TRAPPC9: variants seen among roughly 807,000 people sequenced by gnomAD.
TRAPPC9 encodes the protein trafficking protein particle complex subunit 9.
Under a neutral mutation model 124.0 loss-of-function variants are expected in TRAPPC9, and 83 were observed. The observed-to-expected ratio is 0.67, with a 90% CI of 0.56 to 0.80. The LOEUF is 0.80. Among genes scored for constraint, TRAPPC9 ranks in the 30% least tolerant of loss-of-function variants. TRAPPC9 has a pLI of 0.00. For missense variants in TRAPPC9, 1,302 were observed against 1,508.3 expected (o/e 0.86, Z 2.27); for synonymous variants, 638 against 617.5 (o/e 1.03, Z -0.49).
rs73366263 is a variant in TRAPPC9 at position 139,889,508 on chromosome 8, T to C, written c.2965-3539A>G. On this transcript the variant is annotated intron_variant, in intron 20 of 22. Transcript: ENST00000438773. Reference sequence around the variant, plus strand: ...GAGGGAGACAAGGAATGGGAGGGAGTGTTTCATGGGTGCCCAGTTTCAGTT... The same window carrying C: ...GAGGGAGACAAGGAATGGGAGGGAGCGTTTCATGGGTGCCCAGTTTCAGTT... Among the ~76,000 whole-genome samples the C allele has an allele frequency of 6.2e-3, 933 of 151,536 alleles. 2 individuals carry two copies. The highest frequency in any genetic ancestry group is 0.021 in the African/African-American group (853 of 41,280).
chr8:139,855,127 C>T (rs1405451106), intron 21 of TRAPPC9, among the ~76,000 whole-genome samples: 1 of 152,236 alleles, frequency 6.6e-6, no homozygotes, highest in African/African-American at 2.4e-5. Flanking sequence ...TCGGGCCTAC[C>T]TGGTCTCCTT....
At chr8:139,769,225 C>G (rs1820786615) in intron 21 of TRAPPC9, among the ~76,000 whole-genome samples, 1 of 152,116 alleles carries the variant, frequency 6.6e-6, no homozygotes, top group African/African-American at 2.4e-5. Flanking sequence ...ATGTTTTTTC[C>G]TCGACATACA....
At chr8:140,324,202 G>C (rs1216262483) in intron 9 of TRAPPC9, among the ~76,000 whole-genome samples, 1 of 152,092 alleles carries the variant, frequency 6.6e-6, no homozygotes, top group Non-Finnish European at 1.5e-5. Flanking sequence ...TAAAAGGATG[G>C]GGGGGAAAAG....
intron 9 of TRAPPC9, among the ~76,000 whole-genome samples, chr8:140,342,439 T>C (rs944600986): frequency 1.8e-4 from 27 of 152,230 alleles, no homozygotes; most frequent in Non-Finnish European, 2.6e-4. Context: ...ACTTATTATG[T>C]TGTACTACAT....
intron 10 of TRAPPC9, among the ~76,000 whole-genome samples, chr8:140,305,798 T>C (rs2066113217): frequency 6.6e-6 from 1 of 152,208 alleles, no homozygotes; most frequent in Admixed American, 6.5e-5. Flanking sequence ...CTTTTCTGCT[T>C]ATAAAACAAT....
intron 17 of TRAPPC9, among the ~76,000 whole-genome samples, chr8:140,101,512 G>A (rs746100748): frequency 6.7e-6 from 1 of 149,448 alleles, no homozygotes; most frequent in Non-Finnish European, 1.5e-5. Context: ...TATGAACTTG[G>A]GTTGGTTTTG....
chr8:140,140,685 T>C (rs1014388689), intron 17 of TRAPPC9, among the ~76,000 whole-genome samples: 1 of 152,188 alleles, frequency 6.6e-6, no homozygotes, highest in Non-Finnish European at 1.5e-5. Flanking sequence ...CATAGCTATC[T>C]TCGTAAAGCA....
intron 17 of TRAPPC9, among the ~76,000 whole-genome samples, chr8:140,088,742 C>T (rs1204664402): frequency 1.3e-5 from 2 of 152,172 alleles, no homozygotes; most frequent in East Asian, 3.8e-4. Flanking sequence ...AATCATATCT[C>T]TCGTCATGAA....
At chr8:140,203,528 G>A (rs2062843568) in intron 17 of TRAPPC9, among the ~76,000 whole-genome samples, 1 of 152,240 alleles carries the variant, frequency 6.6e-6, no homozygotes, top group African/African-American at 2.4e-5. Flanking sequence ...CCACCTGTGT[G>A]AGGGCTTGTC....
chr8:140,381,211 A>G (rs1472320365), intron 7 of TRAPPC9, among the ~76,000 whole-genome samples: 1 of 151,728 alleles, frequency 6.6e-6, no homozygotes, highest in Non-Finnish European at 1.5e-5. Context: ...TCTCAAAAAA[A>G]AAAAAAAAAG....
At chr8:140,242,816 G>A (rs1313604237) in intron 16 of TRAPPC9, among the ~76,000 whole-genome samples, 1 of 152,204 alleles carries the variant, frequency 6.6e-6, no homozygotes, top group Non-Finnish European at 1.5e-5. Context: ...GCCAGGGGAG[G>A]GAAGCTCCCC....
At position 140,442,899 on chromosome 8, in the gene TRAPPC9, C is replaced by T. The variant is rs574417609; in HGVS notation, c.585-3702G>A. 7.6e-4 allele frequency among the ~76,000 whole-genome samples: 115 copies of T among 152,018 alleles called. 1 individual carries two copies. Among genetic ancestry groups the T allele is most frequent in the African/African-American group, 2.7e-3 (113 of 41,428 alleles). On this transcript the variant is annotated intron_variant, in intron 2 of 22. Transcript: ENST00000438773. ...CCTGTAATCCCAGCACTATGGGAGG[C>T]CGAGGCAGGCGGATCACAAAGTTAA...
intron 19 of TRAPPC9, among the ~76,000 whole-genome samples, chr8:139,964,224 CAA>C (rs1008397834): frequency 1.8e-4 from 12 of 67,670 alleles, no homozygotes; most frequent in African/African-American, 5.4e-4. Context: ...GACTCTGTCT[CAA>C]AAAAAAAAAA....
intron 21 of TRAPPC9, among the ~76,000 whole-genome samples, chr8:139,874,697 G>C (rs1209040520): frequency 6.6e-6 from 1 of 152,176 alleles, no homozygotes; most frequent in African/African-American, 2.4e-5. Context: ...CCCAGGGAAG[G>C]GAGGCAAGGA....
At chr8:140,100,981 C>T (rs1231228460) in intron 17 of TRAPPC9, among the ~76,000 whole-genome samples, 1 of 152,226 alleles carries the variant, frequency 6.6e-6, no homozygotes, top group Non-Finnish European at 1.5e-5. Context: ...CTATATGTGA[C>T]GTACTAATTT....
At chr8:140,284,398 T>C (rs933366845) in intron 13 of TRAPPC9, among the ~76,000 whole-genome samples, 1 of 152,236 alleles carries the variant, frequency 6.6e-6, no homozygotes, top group Non-Finnish European at 1.5e-5. Context: ...TCCCAGGACA[T>C]AATGTGACTT....
chr8:139,837,127 C>T (rs950896945), intron 21 of TRAPPC9, among the ~76,000 whole-genome samples: 25 of 152,270 alleles, frequency 1.6e-4, no homozygotes, highest in African/African-American at 5.5e-4. Context: ...GAGAAACCCT[C>T]GGTAAACTTC....
At chr8:140,116,578 G>C (rs963888879) in intron 17 of TRAPPC9, among the ~76,000 whole-genome samples, 2 of 152,086 alleles carry the variant, frequency 1.3e-5, no homozygotes, top group African/African-American at 4.8e-5. Context: ...ACAAATTTTA[G>C]GGGACCATTT....
intron 7 of TRAPPC9, among the ~76,000 whole-genome samples, chr8:140,378,616 C>T (rs1185301655): frequency 6.6e-6 from 1 of 152,110 alleles, no homozygotes; most frequent in African/African-American, 2.4e-5. Flanking sequence ...CTCTAGAGAA[C>T]CCTGACTAAT....
Sources: gnomAD v4.1 joint callset for allele counts (sites outside exome capture counted in the v4.1 genomes callset) on GRCh38, gnomAD v4.1.1 for gene constraint, MANE v1.5 for transcripts, NCBI Gene and HGNC (gene_info 2026-07-23, HGNC 2026-07-21) for gene names.